The following FSTL5 variants were observed in gnomAD, a reference collection of about 807,000 sequenced individuals.
The protein encoded by FSTL5 is follistatin like 5.
A neutral mutation model predicts 89.1 loss-of-function variants in FSTL5; 62 were observed. The observed-to-expected ratio is 0.70, with a 90% CI of 0.57 to 0.86. The LOEUF (loss-of-function observed/expected upper bound fraction) is 0.86. Ranked by LOEUF, FSTL5 falls within the 40% of genes least tolerant of loss-of-function variation. The probability of loss-of-function intolerance (pLI) is 0.00; values close to 1 mark genes in which losing one functional copy is unlikely to be tolerated. For missense variants in FSTL5, 1,057 were observed against 1,001.6 expected (o/e 1.06, Z -0.75); for synonymous variants, 383 against 346.2 (o/e 1.11, Z -1.18).
intron 4 of FSTL5, among the ~76,000 whole-genome samples, chr4:161,859,473 TAACTC>T (rs1731830950): frequency 6.6e-6 from 1 of 152,206 alleles, no homozygotes; most frequent in African/African-American, 2.4e-5. Context: ...CTCTGAAACA[TAACTC>T]AATGGTAATA....
chr4:161,886,001 T>G (rs1732795152), intron 4 of FSTL5, among the ~76,000 whole-genome samples: 1 of 146,362 alleles, frequency 6.8e-6, no homozygotes, highest in Non-Finnish European at 1.5e-5. Flanking sequence ...TTTCTTTACT[T>G]TAATCAACAA....
chr4:161,625,537 T>C (rs1735287298), intron 7 of FSTL5, among the ~76,000 whole-genome samples: 1 of 152,154 alleles, frequency 6.6e-6, no homozygotes, highest in Non-Finnish European at 1.5e-5. Flanking sequence ...GACTGGCCAA[T>C]ACTTCATCTC....
chr4:161,467,174 T>C (rs1013147375), intron 13 of FSTL5, among the ~76,000 whole-genome samples: 4 of 152,158 alleles, frequency 2.6e-5, no homozygotes, highest in African/African-American at 7.2e-5. Flanking sequence ...TGGACTTCAC[T>C]GCCTCATTTC....
intron 13 of FSTL5, among the ~76,000 whole-genome samples, chr4:161,479,635 A>G (rs1255030297): frequency 2.0e-5 from 3 of 152,198 alleles, no homozygotes; most frequent in East Asian, 3.8e-4. Context: ...TGAAATATAC[A>G]GCAAAATTTT....
chr4:162,075,244 G>A (rs937660287), intron 2 of FSTL5, among the ~76,000 whole-genome samples: 1 of 151,778 alleles, frequency 6.6e-6, no homozygotes, highest in African/African-American at 2.4e-5. Flanking sequence ...GATAGACAGA[G>A]GGTAAAATTC....
intron 9 of FSTL5, among the ~76,000 whole-genome samples, chr4:161,538,631 T>C (rs2126539921): frequency 6.6e-6 from 1 of 152,306 alleles, no homozygotes; most frequent in Admixed American, 6.5e-5. Context: ...AGAACCTACA[T>C]TCCCCTAAGA....
intron 7 of FSTL5, among the ~76,000 whole-genome samples, chr4:161,646,550 G>C (rs775226385): frequency 6.6e-6 from 1 of 151,958 alleles, no homozygotes; most frequent in Non-Finnish European, 1.5e-5. Flanking sequence ...ATTGCATTAT[G>C]TTTTGATATA....
At chr4:161,889,404 A>G (rs1259556102) in intron 4 of FSTL5, among the ~76,000 whole-genome samples, 1 of 152,100 alleles carries the variant, frequency 6.6e-6, no homozygotes, top group East Asian at 1.9e-4. Flanking sequence ...GAACTTCTGG[A>G]GGCCGTGGTT....
intron 3 of FSTL5, among the ~76,000 whole-genome samples, chr4:161,923,587 G>T (rs937954197): frequency 1.3e-5 from 2 of 151,720 alleles, no homozygotes; most frequent in African/African-American, 4.8e-5. Flanking sequence ...TTTTTCAAGA[G>T]AGTGTTTTGT....
intron 4 of FSTL5, among the ~76,000 whole-genome samples, chr4:161,807,967 G>A (rs933095016): frequency 3.9e-5 from 6 of 152,070 alleles, no homozygotes; most frequent in Non-Finnish European, 7.4e-5. Context: ...GAAATCAAAA[G>A]GCAAAGAGCA....
chr4:161,967,824 T>A (rs2111003523), intron 3 of FSTL5, among the ~76,000 whole-genome samples: 1 of 152,094 alleles, frequency 6.6e-6, no homozygotes, highest in South Asian at 2.1e-4. Flanking sequence ...ATAAAAGTGA[T>A]TAAAATGCTG....
chr4:161,432,874 G>A (rs1331940864), intron 15 of FSTL5, among the ~76,000 whole-genome samples: 1 of 151,858 alleles, frequency 6.6e-6, no homozygotes, highest in African/African-American at 2.4e-5. Context: ...TACCAAGATT[G>A]AACAATGAAT....
intron 6 of FSTL5, among the ~76,000 whole-genome samples, chr4:161,720,982 A>G (rs1235090801): frequency 1.3e-5 from 2 of 152,136 alleles, no homozygotes; most frequent in Admixed American, 1.3e-4. Flanking sequence ...CACACTGTAT[A>G]CTTAAAATTT....
At chr4:161,540,208 T>C (rs1731773139) in intron 9 of FSTL5, among the ~76,000 whole-genome samples, 1 of 152,182 alleles carries the variant, frequency 6.6e-6, no homozygotes, top group African/African-American at 2.4e-5. Flanking sequence ...TCCCTGCACC[T>C]AGTTCTTTGA....
rs191832472 is a variant in FSTL5, at chr4:161,590,753, G to A, written c.895-3178C>T. On this transcript the variant is annotated intron_variant, in intron 7 of 15. Coordinates refer to ENST00000306100, the MANE Select transcript of FSTL5 (RefSeq NM_020116.5). ...AAAAAAGAGACAATTGCAAGTGTTG[G>A]AGAGGATGTGGAAAGTTTGGAACCT... Among the ~76,000 whole-genome samples, 35 of 152,248 alleles carry A rather than the reference G, an allele frequency of 2.3e-4. 1 individual carries two copies. The East Asian group carries it at 4.5e-3, about 19-fold the overall frequency.
chr4:162,001,303 T>C (rs1043165399), intron 3 of FSTL5, among the ~76,000 whole-genome samples: 29 of 151,638 alleles, frequency 1.9e-4, no homozygotes, highest in Non-Finnish European at 3.1e-4. Flanking sequence ...CCTATATCTA[T>C]CTGTCTATCT....
At chr4:161,791,662 T>A (rs998422049) in intron 4 of FSTL5, among the ~76,000 whole-genome samples, 1 of 152,186 alleles carries the variant, frequency 6.6e-6, no homozygotes, top group African/African-American at 2.4e-5. Context: ...TGGGTATCAG[T>A]AGAAAATTCA....
chr4:161,736,943 T>A (rs1471217332), intron 6 of FSTL5, among the ~76,000 whole-genome samples: 1 of 152,210 alleles, frequency 6.6e-6, no homozygotes, highest in East Asian at 1.9e-4. Context: ...GGATTTGCAA[T>A]GTCCATATAT....
chr4:162,080,292 G>C (rs1199973645), intron 2 of FSTL5, among the ~76,000 whole-genome samples: 3 of 151,288 alleles, frequency 2.0e-5, no homozygotes, highest in Non-Finnish European at 4.4e-5. Flanking sequence ...ATTTATTCTG[G>C]CTTAATGTAT....
Sources: allele counts gnomAD v4.1 joint callset (sites outside exome capture counted in the v4.1 genomes callset), GRCh38; gene constraint gnomAD v4.1.1; transcripts MANE v1.5; gene names NCBI Gene and HGNC (gene_info 2026-07-23, HGNC 2026-07-21).